Variants in MGAT4C observed in about 807,000 individuals in gnomAD.
MGAT4C encodes the protein MGAT4 family member C.
MGAT4C carries 19 observed loss-of-function variants against 40.1 expected under a neutral mutation model. The observed-to-expected ratio is 0.47, with a 90% CI of 0.33 to 0.70. MGAT4C has a LOEUF of 0.70. Ranked by LOEUF, MGAT4C falls within the 30% of genes least tolerant of loss-of-function variation. The probability of loss-of-function intolerance (pLI) is 0.02; values close to 1 mark genes in which losing one functional copy is unlikely to be tolerated. For missense variants in MGAT4C, 491 were observed against 563.2 expected (o/e 0.87, Z 1.30); for synonymous variants, 181 against 187.1 (o/e 0.97, Z 0.27).
At chr12:86,337,363 G>A (rs1205363355) in intron 3 of MGAT4C, among the ~76,000 whole-genome samples, 3 of 151,922 alleles carry the variant, frequency 2.0e-5, no homozygotes, top group South Asian at 2.1e-4. Context: ...TTGAGAGTCC[G>A]AGGAAGGTGG....
intron 4 of MGAT4C, among the ~76,000 whole-genome samples, chr12:86,283,307 C>T (rs1566256881): frequency 3.3e-5 from 5 of 151,926 alleles, no homozygotes; most frequent in Admixed American, 2.0e-4. Flanking sequence ...GTTGCTTCAC[C>T]TATTTTGTCT....
intron 1 of MGAT4C, among the ~76,000 whole-genome samples, chr12:86,110,302 A>ATATAGTC (rs1555224767): frequency 1.1e-3 from 95 of 82,804 alleles, no homozygotes; most frequent in African/African-American, 3.3e-3. Context: ...TAGTCTCTCT[A>ATATAGTC]TATATATATA....
At chr12:86,677,190 T>A (rs1949882184) in intron 2 of MGAT4C, among the ~76,000 whole-genome samples, 1 of 152,084 alleles carries the variant, frequency 6.6e-6, no homozygotes, top group Non-Finnish European at 1.5e-5. Context: ...ACGTGGGAAA[T>A]CATAAAGGCC....
intron 2 of MGAT4C, among the ~76,000 whole-genome samples, chr12:86,033,661 A>G (rs752847382): frequency 6.7e-6 from 1 of 149,572 alleles, no homozygotes; most frequent in African/African-American, 2.4e-5. Context: ...GGAAGAGACT[A>G]TGGGGTTTTC....
Position 85,976,799 on chromosome 12 carries a change from C to G in MGAT4C, c.*2490G>C, listed in dbSNP as rs1175841673. The G allele has an allele frequency of 6.7e-6, 1 of 149,964 alleles. No individual in the cohort carries two copies. The highest frequency in any genetic ancestry group is 1.5e-5 in the Non-Finnish European group (1 of 67,018). 9.3% of individuals were successfully genotyped at this position (149,964 alleles called of 1,614,324 possible). ...TACTTTTGTTTCTATGCCTCTGAGA[C>G]AAGATTACTAGACCCTTATTCAAAG... On this transcript the variant is annotated 3_prime_UTR_variant, in exon 5 of 5. Transcript: ENST00000611864.
In MGAT4C at chr12:85,980,397, C is replaced by T. The variant is rs147418986; in HGVS notation, c.329G>A (p.Arg110Gln). 5.6e-6 allele frequency: 9 copies of T among 1,605,452 alleles called. No individual in the cohort carries two copies. Among genetic ancestry groups the T allele is most frequent in the African/African-American group, 2.7e-5 (2 of 74,358 alleles). The part of the protein sequence containing the change: ...YLTIGLSSVK[R>Q]KKGNYLLETI... ...CTCAAGTAAATAGTTTCCTTTTTTT[C>T]GCTTTACTGAAGAAAGTCCAATTGT... The change falls in exon 5 of 5, where the codon CGA becomes CAA. Residue 110 changes from arginine to glutamine, a missense_variant. Physicochemically the swap from Arg to Gln is conservative, Grantham distance 43. Coordinates refer to ENST00000611864, the MANE Select transcript of MGAT4C (RefSeq NM_001351288.2).
At chr12:86,486,168 A>G (rs1178936897) in intron 2 of MGAT4C, among the ~76,000 whole-genome samples, 2 of 152,158 alleles carry the variant, frequency 1.3e-5, no homozygotes, top group Non-Finnish European at 2.9e-5. Context: ...CTACAAAACA[A>G]CTGCCAAACA....
intron 2 of MGAT4C, among the ~76,000 whole-genome samples, chr12:86,679,907 A>T (rs189269701): frequency 6.6e-6 from 1 of 152,212 alleles, no homozygotes; most frequent in Non-Finnish European, 1.5e-5. Context: ...TATAAAGAGA[A>T]GTCAGTACCT....
intron 1 of MGAT4C, among the ~76,000 whole-genome samples, chr12:86,238,826 T>C (rs1265888215): frequency 1.3e-5 from 2 of 151,986 alleles, no homozygotes; most frequent in African/African-American, 4.8e-5. Context: ...AGATAAAGTA[T>C]TATGCAAACT....
chr12:86,088,908 T>C (rs1357821389), intron 1 of MGAT4C, among the ~76,000 whole-genome samples: 2 of 152,016 alleles, frequency 1.3e-5, no homozygotes, highest in Non-Finnish European at 2.9e-5. Context: ...CTTCAACTTA[T>C]AGTCTGTATT....
intron 3 of MGAT4C, among the ~76,000 whole-genome samples, chr12:86,386,557 C>A (rs142386324): frequency 3.2e-4 from 48 of 152,240 alleles, no homozygotes; most frequent in African/African-American, 1.1e-3. Flanking sequence ...CCCAGTGGCA[C>A]GTTGGAAAAC....
chr12:86,482,326 G>T (rs1314614734), intron 2 of MGAT4C, among the ~76,000 whole-genome samples: 1 of 151,974 alleles, frequency 6.6e-6, no homozygotes, highest in Non-Finnish European at 1.5e-5. Flanking sequence ...TTTTAGTAAA[G>T]TTACTCTTGA....
chr12:86,805,585 T>A (rs970279120), intron 1 of MGAT4C, among the ~76,000 whole-genome samples: 9 of 152,076 alleles, frequency 5.9e-5, no homozygotes, highest in Non-Finnish European at 1.3e-4. Flanking sequence ...CCATGGTGTA[T>A]ATGTGCTACA....
At chr12:86,480,760 C>T (rs1389547760) in intron 2 of MGAT4C, among the ~76,000 whole-genome samples, 1 of 151,766 alleles carries the variant, frequency 6.6e-6, no homozygotes, top group Non-Finnish European at 1.5e-5. Flanking sequence ...TCCAACTTTG[C>T]TGCAATTAAC....
intron 1 of MGAT4C, among the ~76,000 whole-genome samples, chr12:86,186,917 A>G (rs1371258970): frequency 6.6e-5 from 10 of 152,092 alleles, no homozygotes; most frequent in African/African-American, 2.2e-4. Flanking sequence ...AGCTCAGCAA[A>G]CCTGCTTAAA....
At chr12:86,453,469 G>T (rs944718383) in intron 2 of MGAT4C, among the ~76,000 whole-genome samples, 2 of 152,096 alleles carry the variant, frequency 1.3e-5, no homozygotes, top group Admixed American at 1.3e-4. Context: ...AATTTGGTGA[G>T]AACTCATTCA....
At chr12:86,256,441 A>G (rs1218151714), upstream of MGAT4C, 3 of 152,176 alleles carry the variant, frequency 2.0e-5, no homozygotes, top group East Asian at 5.8e-4. Context: ...ATGATGTCAC[A>G]AACATCAACT....
intron 4 of MGAT4C, among the ~76,000 whole-genome samples, chr12:86,302,884 G>T (rs1037839535): frequency 6.6e-6 from 1 of 150,666 alleles, no homozygotes; most frequent in Non-Finnish European, 1.5e-5. Flanking sequence ...ATTGAGGAAT[G>T]GTGGTGTGAG....
intron 1 of MGAT4C, among the ~76,000 whole-genome samples, chr12:86,754,420 G>A (rs550256146): frequency 2.0e-5 from 3 of 152,124 alleles, no homozygotes; most frequent in South Asian, 4.1e-4. Context: ...AGTTTTATGG[G>A]TGTATACATA....
Sources: allele counts gnomAD v4.1 joint callset (sites outside exome capture counted in the v4.1 genomes callset), GRCh38; gene constraint gnomAD v4.1.1; transcripts MANE v1.5; gene names NCBI Gene and HGNC (gene_info 2026-07-23, HGNC 2026-07-21).